HS6ST3: variants seen among roughly 807,000 people sequenced by gnomAD.
HS6ST3 encodes heparan sulfate 6-O-sulfotransferase 3, also known as heparan-sulfate 6-O-sulfotransferase 3.
HS6ST3 carries 12 observed loss-of-function variants against 36.7 expected under a neutral mutation model. That is an observed-to-expected ratio of 0.33 (90% CI 0.21 to 0.53). The LOEUF (loss-of-function observed/expected upper bound fraction) is 0.53. Among genes scored for constraint, HS6ST3 ranks in the 20% least tolerant of loss-of-function variants. The pLI, the probability that HS6ST3 is intolerant of heterozygous loss-of-function variation, is 0.95. For synonymous variants in HS6ST3, 240 were observed against 257.5 expected, an observed-to-expected ratio of 0.93 and a Z score of 0.65; for missense variants, 584 against 640.9, an observed-to-expected ratio of 0.91 and a Z score of 0.96.
intron 1 of HS6ST3, among the ~76,000 whole-genome samples, chr13:96,702,515 G>A (rs1219159442): frequency 2.0e-5 from 3 of 152,146 alleles, no homozygotes; most frequent in Non-Finnish European, 4.4e-5. Flanking sequence ...TGCTTTCAAA[G>A]TCTAATCTTG....
At chr13:96,809,415 T>G (rs1878268150) in intron 1 of HS6ST3, among the ~76,000 whole-genome samples, 1 of 152,194 alleles carries the variant, frequency 6.6e-6, no homozygotes, top group South Asian at 2.1e-4. Flanking sequence ...CTGTCTTGTT[T>G]TTTGCTTTTA....
chr13:96,098,289 G>A (rs996221777), intron 1 of HS6ST3, among the ~76,000 whole-genome samples: 2 of 152,200 alleles, frequency 1.3e-5, no homozygotes, highest in African/African-American at 4.8e-5. Flanking sequence ...ATGGAAGGAT[G>A]AGAGAGCTAT....
Position 96,217,347 on chromosome 13 carries a change from G to A in HS6ST3, c.707+125778G>A, listed in dbSNP as rs567462679. The stretch of plus-strand genomic sequence containing the variant: ...CTGAATCTTAGAGATTTAAAATACT[G>A]TGCTCAAGGCCCATTTCTTGGCATG... On this transcript the variant is annotated intron_variant, in intron 1 of 1. Transcript: ENST00000376705. Among the ~76,000 whole-genome samples the A allele has an allele frequency of 3.9e-5, 6 of 152,140 alleles. 1 individual carries two copies. The highest frequency in any genetic ancestry group is 1.4e-4 in the African/African-American group (6 of 41,514).
intron 1 of HS6ST3, among the ~76,000 whole-genome samples, chr13:96,822,707 T>G (rs1026411793): frequency 2.0e-5 from 3 of 152,230 alleles, no homozygotes; most frequent in Non-Finnish European, 4.4e-5. Context: ...GTTTGGTTTG[T>G]TTTGTATAAT....
At chr13:96,138,253 AATTAT>A (rs2054012269) in intron 1 of HS6ST3, among the ~76,000 whole-genome samples, 1 of 152,120 alleles carries the variant, frequency 6.6e-6, no homozygotes, top group South Asian at 2.1e-4. Flanking sequence ...TAAAGTAGTG[AATTAT>A]ATTTGTTATC....
intron 1 of HS6ST3, among the ~76,000 whole-genome samples, chr13:96,776,733 T>C (rs1468983948): frequency 6.6e-6 from 1 of 152,138 alleles, no homozygotes; most frequent in African/African-American, 2.4e-5. Flanking sequence ...CAGGACCAGA[T>C]GGATTCACAG....
At chr13:96,333,891 G>T (rs2055085902) in intron 1 of HS6ST3, among the ~76,000 whole-genome samples, 1 of 152,012 alleles carries the variant, frequency 6.6e-6, no homozygotes. Flanking sequence ...AGCTCCAGGG[G>T]GAAGCTTATA....
chr13:96,140,866 G>C (rs114045819), intron 1 of HS6ST3, among the ~76,000 whole-genome samples: 3,063 of 152,172 alleles, frequency 0.02, 89 homozygotes, highest in African/African-American at 0.068. Context: ...AAAAGGAAGG[G>C]GAAGGATCAA....
intron 1 of HS6ST3, among the ~76,000 whole-genome samples, chr13:96,326,284 G>A (rs553685416): frequency 0.011 from 1,689 of 149,496 alleles, 34 homozygotes; most frequent in African/African-American, 0.04. Context: ...CCATTAACTC[G>A]TCATTTAACA....
intron 1 of HS6ST3, among the ~76,000 whole-genome samples, chr13:96,345,486 AG>A (rs1455127357): frequency 6.6e-6 from 1 of 152,168 alleles, no homozygotes; most frequent in Non-Finnish European, 1.5e-5. Flanking sequence ...TAGATGTGAA[AG>A]GATTCTATTT....
chr13:96,802,203 T>C (rs1233855253), intron 1 of HS6ST3, among the ~76,000 whole-genome samples: 3 of 152,104 alleles, frequency 2.0e-5, no homozygotes, highest in Non-Finnish European at 4.4e-5. Context: ...AATGGACCCA[T>C]TGTTAACGGC....
intron 1 of HS6ST3, among the ~76,000 whole-genome samples, chr13:96,567,883 T>C (rs1188839118): frequency 2.0e-5 from 3 of 152,180 alleles, no homozygotes; most frequent in African/African-American, 7.2e-5. Context: ...TGTCAGAGCT[T>C]AATCTAATTG....
chr13:96,192,957 A>G (rs938217939), intron 1 of HS6ST3, among the ~76,000 whole-genome samples: 5 of 152,162 alleles, frequency 3.3e-5, no homozygotes, highest in Non-Finnish European at 5.9e-5. Context: ...ATTGCAGTCA[A>G]GAGTCTTCTG....
At chr13:96,727,845 A>T (rs987013789) in intron 1 of HS6ST3, among the ~76,000 whole-genome samples, 1 of 152,176 alleles carries the variant, frequency 6.6e-6, no homozygotes, top group Non-Finnish European at 1.5e-5. Flanking sequence ...TTTCTGGAAC[A>T]CCTGCATCAT....
rs1171800323 is a variant in HS6ST3 at position 96,450,213 on chromosome 13, G to A, written c.707+358644G>A. On this transcript the variant is annotated intron_variant, in intron 1 of 1. Transcript: ENST00000376705. Reference sequence around the variant, plus strand: ...TCTTATAAATGAGTTGGCTTGAACAGAGTCATTTTTTGGGGGGATATACAA... The same window carrying A: ...TCTTATAAATGAGTTGGCTTGAACAAAGTCATTTTTTGGGGGGATATACAA... Among the ~76,000 whole-genome samples, 5 of 152,170 alleles carry A rather than the reference G, an allele frequency of 3.3e-5. No homozygotes were observed. In the South Asian group the frequency reaches 1.0e-3, roughly 32 times the overall value.
At chr13:96,679,531 C>G (rs1330686957) in intron 1 of HS6ST3, among the ~76,000 whole-genome samples, 2 of 152,104 alleles carry the variant, frequency 1.3e-5, no homozygotes, top group Non-Finnish European at 2.9e-5. Context: ...GTTTCTCATC[C>G]CTCACCATCA....
chr13:96,400,197 G>GCACA (rs2055442908), intron 1 of HS6ST3, among the ~76,000 whole-genome samples: 1 of 112,712 alleles, frequency 8.9e-6, no homozygotes, highest in African/African-American at 3.5e-5. Context: ...ACACATATAT[G>GCACA]CAGACACACA....
Position 96,750,392 on chromosome 13 carries a change from C to T in HS6ST3, c.708-82098C>T, listed in dbSNP as rs1876671212. Reference sequence around the variant, plus strand: ...ACCTTGGTCCTGTCCCAGACCACTCCTTCCTCACTGGGTGAAGGAGACAGG... The same window carrying T: ...ACCTTGGTCCTGTCCCAGACCACTCTTTCCTCACTGGGTGAAGGAGACAGG... On this transcript the variant is annotated intron_variant, in intron 1 of 1. Coordinates refer to ENST00000376705, the MANE Select transcript of HS6ST3 (RefSeq NM_153456.4). Among the ~76,000 whole-genome samples, 4 of 152,234 alleles carry T rather than the reference C, an allele frequency of 2.6e-5. No individual in the cohort carries two copies. In the South Asian group the frequency reaches 8.3e-4, roughly 31 times the overall value.
chr13:96,442,897 C>T (rs2055680005), intron 1 of HS6ST3, among the ~76,000 whole-genome samples: 1 of 151,840 alleles, frequency 6.6e-6, no homozygotes, highest in Non-Finnish European at 1.5e-5. Context: ...AAATCTTGGT[C>T]CGCGCATGAA....
Sources: allele counts gnomAD v4.1 joint callset (sites outside exome capture counted in the v4.1 genomes callset), GRCh38; gene constraint gnomAD v4.1.1; transcripts MANE v1.5; gene names NCBI Gene and HGNC (gene_info 2026-07-23, HGNC 2026-07-21).